The following GP6 variants were observed in gnomAD, a reference collection of about 807,000 sequenced individuals.
GP6 encodes the protein glycoprotein VI platelet.
GP6 carries 45 observed loss-of-function variants against 37.3 expected under a neutral mutation model. That is an observed-to-expected ratio of 1.21 (90% CI 0.95 to 1.55). The LOEUF (loss-of-function observed/expected upper bound fraction) is 1.55, where lower values mean the gene tolerates loss of function less well. Ranked by LOEUF, GP6 falls within the 40% of genes most tolerant of loss-of-function variation. GP6 has a pLI of 0.00. For synonymous variants in GP6, 340 were observed against 316.4 expected, an observed-to-expected ratio of 1.07 and a Z score of -0.79; for missense variants, 813 against 760.2, an observed-to-expected ratio of 1.07 and a Z score of -0.82.
Position 55,027,872 on chromosome 19 carries a change from AAAG to A in GP6, c.326-13_326-11del. ...GGTTTGGCAAAAACTCCTGGGAGAA[AAAG>A]AAAGTCTGATGTTGAAGGCAGGAGC... is the stretch of plus-strand genomic sequence containing the variant. On this transcript the variant is annotated splice_polypyrimidine_tract_variant and intron_variant, in intron 3 of 7. Transcript: ENST00000310373. 1 of 1,613,956 alleles carries A rather than the reference AAAG, an allele frequency of 6.2e-7. No individual in the cohort carries two copies. Among genetic ancestry groups the A allele is most frequent in the Non-Finnish European group, 8.5e-7 (1 of 1,179,866 alleles).
chr19:55,032,724 G>T (rs1053351226), intron 1 of GP6, 186 bp from the exon 2 acceptor site: 5 of 700,306 alleles, frequency 7.1e-6, no homozygotes, highest in Non-Finnish European at 1.3e-5. Flanking sequence ...AGTTTATGAG[G>T]TCATTTACAT....
chr19:55,030,362 T>TC (rs34209133), intron 3 of GP6, among the ~76,000 whole-genome samples: 73,386 of 149,892 alleles, frequency 0.49, 18,205 homozygotes, highest in East Asian at 0.74. Context: ...TTTTTTTTTT[T>TC]CCCAAGACGG....
In GP6 at chr19:55,018,674, G is replaced by A. The variant is rs752421887; in HGVS notation, c.702C>T (p.Phe234=). ...CACCAGTTGTGAAGACTTCGTTTGT[G>A]AATGAGACGGTCAGTTCAGCGGTGG... is the stretch of plus-strand genomic sequence containing the variant. The change falls in exon 6 of 8, where the codon TTC becomes TTT. Residue 234 remains phenylalanine, a synonymous_variant. Transcript: ENST00000310373. The A allele has an allele frequency of 3.3e-5, 53 of 1,606,482 alleles. No individual in the cohort carries two copies. Among genetic ancestry groups the A allele is most frequent in the Admixed American group, 6.7e-5 (4 of 60,002 alleles).
At chr19:55,028,904 G>T (rs901580999) in intron 3 of GP6, among the ~76,000 whole-genome samples, 1 of 152,138 alleles carries the variant, frequency 6.6e-6, no homozygotes, top group East Asian at 1.9e-4. Flanking sequence ...GGAGGCCAAG[G>T]TGGGAGGATC....
intron 1 of GP6, among the ~76,000 whole-genome samples, chr19:55,035,990 T>A (rs1489489877): frequency 2.6e-5 from 4 of 151,450 alleles, no homozygotes; most frequent in Non-Finnish European, 4.4e-5. Flanking sequence ...GGAGAATCAC[T>A]TAAACCCGGG....
intron 5 of GP6, among the ~76,000 whole-genome samples, chr19:55,019,899 C>T (rs1016367885): frequency 6.8e-4 from 103 of 151,922 alleles, no homozygotes; most frequent in African/African-American, 2.3e-3. Flanking sequence ...AGGATGGTCT[C>T]GATCTCCTGA....
At chr19:55,020,673 A>G (rs756377494) in intron 5 of GP6, among the ~76,000 whole-genome samples, 6 of 152,168 alleles carry the variant, frequency 3.9e-5, no homozygotes, top group Non-Finnish European at 7.3e-5. Flanking sequence ...TAGTGCTGCA[A>G]TGAACATATG....
chr19:55,019,601 C>T (rs2074001070), intron 5 of GP6, among the ~76,000 whole-genome samples: 1 of 151,960 alleles, frequency 6.6e-6, no homozygotes, highest in South Asian at 2.1e-4. Context: ...TCTTCGTGAG[C>T]CTAGAGGAAG....
In GP6 at chr19:55,024,329, T is replaced by C. The variant is rs62121984; in HGVS notation, c.664+889A>G. ...ACACATATGCACGCACACACACATA[T>C]GCACGCACACACGCACATGCACGCA... On this transcript the variant is annotated intron_variant, in intron 5 of 7. Transcript: ENST00000310373. Among the ~76,000 whole-genome samples, 24 of 13,122 alleles carry C rather than the reference T, an allele frequency of 1.8e-3. No homozygotes were observed. The East Asian group carries it at 0.025, about 13-fold the overall frequency. The allele number at this position is 13,122 out of a possible 152,430, so 8.6% of individuals were successfully genotyped here. A position where few individuals can be genotyped will look rare whatever the true frequency, so the allele number is the denominator to read the frequency against.
intron 4 of GP6, among the ~76,000 whole-genome samples, chr19:55,026,584 A>G (rs1284102301): frequency 6.6e-6 from 1 of 152,156 alleles, no homozygotes; most frequent in Non-Finnish European, 1.5e-5. Context: ...TTTTTGAAAG[A>G]AACCCCCTTT....
intron 1 of GP6, among the ~76,000 whole-genome samples, chr19:55,033,823 G>T (rs12609758): frequency 0.14 from 20,745 of 152,134 alleles, 1,493 homozygotes; most frequent in Non-Finnish European, 0.15. Flanking sequence ...GCCTCAGCGT[G>T]TAAGTCAGGA....
chr19:55,021,241 G>T (rs1402394255), intron 5 of GP6, among the ~76,000 whole-genome samples: 2 of 147,922 alleles, frequency 1.4e-5, no homozygotes, highest in African/African-American at 5.0e-5. Flanking sequence ...GCAGGCGCCT[G>T]TAGTCCCAGT....
chr19:55,024,007 G>A (rs1432873756), intron 5 of GP6, among the ~76,000 whole-genome samples: 1 of 152,216 alleles, frequency 6.6e-6, no homozygotes, highest in African/African-American at 2.4e-5. Context: ...AGACGGAAGA[G>A]TTCTGTACAG....
chr19:55,018,475 C>T (rs2073956209), intron 6 of GP6, among the ~76,000 whole-genome samples, 177 bp downstream of exon 6: 2 of 152,362 alleles, frequency 1.3e-5, no homozygotes, highest in South Asian at 4.1e-4. Context: ...AAACGCTCCT[C>T]CTTCTGAACC....
intron 5 of GP6, among the ~76,000 whole-genome samples, 191 bp downstream of exon 5, chr19:55,025,027 G>A (rs949944588): frequency 8.5e-5 from 13 of 152,106 alleles, no homozygotes; most frequent in African/African-American, 3.1e-4. Context: ...TAGGATTGGG[G>A]GCAGCATCTT....
At chr19:55,020,204 CCTTTT>C (rs1234419234) in intron 5 of GP6, among the ~76,000 whole-genome samples, 18 of 114,714 alleles carry the variant, frequency 1.6e-4, no homozygotes, top group East Asian at 1.1e-3. Flanking sequence ...CATTAATAAA[CCTTTT>C]TTTTTTTTTT....
In GP6 at chr19:55,014,430, C is replaced by T. The variant is rs146318651; in HGVS notation, c.1515G>A (p.Ser505=). The T allele has an allele frequency of 2.6e-4, 424 of 1,613,476 alleles. 1 individual carries two copies. The East Asian group carries it at 8.4e-3, about 32-fold the overall frequency. Residue 505 remains serine, a synonymous_variant, in exon 8 of 8, where the codon TCG becomes TCA. Coordinates refer to ENST00000310373, the MANE Select transcript of GP6 (RefSeq NM_001083899.2). ...TGCCTGCAAGACCCGTTCTGAGAGA[C>T]GAAAGGAGATTTGTTAGACCGCAGT...
chr19:55,018,505 C>G (rs2146724473), intron 6 of GP6, 147 bp downstream of exon 6: 2 of 754,296 alleles, frequency 2.7e-6, no homozygotes, highest in East Asian at 2.5e-5. Context: ...CACTCTGCAC[C>G]CATGCTCTAG....
chr19:55,025,041 A>G (rs1243686524), intron 5 of GP6, among the ~76,000 whole-genome samples, 177 bp downstream of exon 5: 1 of 152,228 alleles, frequency 6.6e-6, no homozygotes, highest in Non-Finnish European at 1.5e-5. Flanking sequence ...GCATCTTAAC[A>G]TCTAACTACT....
Sources: allele counts gnomAD v4.1 joint callset (sites outside exome capture counted in the v4.1 genomes callset), GRCh38; gene constraint gnomAD v4.1.1; transcripts MANE v1.5; gene names NCBI Gene and HGNC (gene_info 2026-07-23, HGNC 2026-07-21).